RNF128: variants seen among roughly 807,000 people sequenced by gnomAD.
RNF128 encodes E3 ubiquitin-protein ligase RNF128.
RNF128 carries 13 observed loss-of-function variants against 26.2 expected under a neutral mutation model. The ratio of observed to expected loss-of-function variants is 0.50; its 90% CI spans 0.32 to 0.79. The LOEUF (loss-of-function observed/expected upper bound fraction) is 0.79. Among genes scored for constraint, RNF128 ranks in the 30% least tolerant of loss-of-function variants. The pLI is 0.03. For missense variants in RNF128, 315 were observed against 349.7 expected (o/e 0.90, Z 0.79); for synonymous variants, 149 against 142.5 (o/e 1.05, Z -0.32).
At chrX:106,719,228 ATT>A (rs11328315) in intron 1 of RNF128, among the ~76,000 whole-genome samples, 26,089 of 100,470 alleles carry the variant, frequency 0.26, 2,488 homozygotes, top group Middle Eastern at 0.35. Flanking sequence ...GCCCATGGGC[ATT>A]TTTTTTTTTT....
At chrX:106,777,199 T>A (rs1454751406) in intron 2 of RNF128, among the ~76,000 whole-genome samples, 1 of 111,617 alleles carries the variant, frequency 9.0e-6, no homozygotes, top group Non-Finnish European at 1.9e-5. Context: ...AACTAAAAAC[T>A]CCTCACAGTG....
chrX:106,793,813 T>C (rs1029387546), intron 6 of RNF128, among the ~76,000 whole-genome samples: 2 of 111,393 alleles, frequency 1.8e-5, no homozygotes, highest in African/African-American at 6.5e-5. Context: ...AGTGCCCCCA[T>C]ATCATACCAG....
chrX:106,790,429 T>C, intron 5 of RNF128, 147 bp downstream of exon 5: 1 of 347,308 alleles, frequency 2.9e-6, no homozygotes, highest in Non-Finnish European at 5.2e-6. Context: ...ATATAGACAA[T>C]GAGGTGCCAT....
chrX:106,770,969 C>T (rs1350675523), intron 1 of RNF128, among the ~76,000 whole-genome samples: 2 of 112,364 alleles, frequency 1.8e-5, no homozygotes, highest in African/African-American at 6.5e-5. Context: ...AGTTTTCCTT[C>T]TAACAGTCAG....
intron 1 of RNF128, among the ~76,000 whole-genome samples, chrX:106,703,161 A>C (rs1316842677): frequency 2.7e-5 from 3 of 112,074 alleles, no homozygotes; most frequent in Non-Finnish European, 3.8e-5. Context: ...AAGAGAAATG[A>C]AAATTTCCTT....
Position 106,727,206 on chromosome X carries a change from C to G in RNF128, c.293C>G (p.Pro98Arg). 1 of 1,211,746 alleles carries G rather than the reference C, an allele frequency of 8.3e-7. No individual in the cohort carries two copies. Among genetic ancestry groups the G allele is most frequent in the South Asian group, 1.8e-5 (1 of 56,951 alleles). Reference sequence around the variant, plus strand: ...CCCGGGGCGCTTAACGCCTGTAACCCGCACACGAATTTCACGGTGCCCACG... The same window carrying G: ...CCCGGGGCGCTTAACGCCTGTAACCGGCACACGAATTTCACGGTGCCCACG... ...DGPGALNACN[P>R]HTNFTVPTVW... The change falls in exon 1 of 7, where the codon CCG (proline) becomes CGG (arginine). Residue 98 changes from proline to arginine, a missense_variant. Coordinates refer to ENST00000255499, the MANE Select transcript of RNF128 (RefSeq NM_194463.2).
chrX:106,743,043 C>T (rs1037908660), intron 1 of RNF128, among the ~76,000 whole-genome samples: 1 of 110,956 alleles, frequency 9.0e-6, no homozygotes, highest in Admixed American at 9.7e-5. Flanking sequence ...AGGAAAAGCA[C>T]TTGTATGACT....
rs575572559 is a variant in RNF128, at chrX:106,761,351, A to G, written c.485-11562A>G. Among the ~76,000 whole-genome samples, 13 of 112,167 alleles carry G rather than the reference A, an allele frequency of 1.2e-4. No homozygotes were observed. In the South Asian group the frequency reaches 4.9e-3, roughly 42 times the overall value. On this transcript the variant is annotated intron_variant, in intron 1 of 6. Coordinates refer to ENST00000255499, the MANE Select transcript of RNF128 (RefSeq NM_194463.2). Reference sequence around the variant, plus strand: ...CGTGGGAATGTAAATTAGTTCAGCCATTGTGGAAAGCAGTTTGCTGATTTC... The same window carrying G: ...CGTGGGAATGTAAATTAGTTCAGCCGTTGTGGAAAGCAGTTTGCTGATTTC...
intron 1 of RNF128, among the ~76,000 whole-genome samples, chrX:106,715,319 C>T (rs372892946): frequency 4.5e-5 from 5 of 112,176 alleles, no homozygotes; most frequent in African/African-American, 1.3e-4. Flanking sequence ...AACATCTTTT[C>T]GCGTGCTTAT....
rs55870405 is a variant in RNF128, at chrX:106,704,433, G to GAAA, written c.406+10044_406+10046dup. On this transcript the variant is annotated intron_variant, in intron 1 of 6. Transcript: ENST00000324342. ...GGCGACAGAGCGAGACTCTGTCTCA[G>GAAA]AAAAAAAAAAAAAAAAAAAAAGAGC... is the stretch of plus-strand genomic sequence containing the variant. Among the ~76,000 whole-genome samples the GAAA allele has an allele frequency of 1.7e-3, 81 of 48,924 alleles. 3 individuals carry two copies. The highest frequency in any genetic ancestry group is 2.1e-3 in the Non-Finnish European group (59 of 28,327). The allele number at this position is 48,924 out of a possible 115,157, so 42.5% of individuals were successfully genotyped here.
intron 1 of RNF128, among the ~76,000 whole-genome samples, chrX:106,702,609 TCATATAAACAAA>T (rs1197160436): frequency 8.9e-6 from 1 of 112,012 alleles, no homozygotes; most frequent in East Asian, 2.8e-4. Context: ...AGCAAGGACA[TCATATAAACAAA>T]TTATATCTGT....
At chrX:106,704,652 A>T (rs1929018513) in intron 1 of RNF128, among the ~76,000 whole-genome samples, 1 of 111,203 alleles carries the variant, frequency 9.0e-6, no homozygotes, top group African/African-American at 3.3e-5. Context: ...AAAGTATACA[A>T]GTTAAACATC....
chrX:106,791,778 T>C (rs1338993470), intron 6 of RNF128, among the ~76,000 whole-genome samples: 1 of 111,459 alleles, frequency 9.0e-6, no homozygotes, highest in Non-Finnish European at 1.9e-5. Context: ...TCAAAATTCA[T>C]GTGAATTTGT....
At chrX:106,752,772 A>T (rs1401203690) in intron 1 of RNF128, among the ~76,000 whole-genome samples, 1 of 112,037 alleles carries the variant, frequency 8.9e-6, no homozygotes, top group African/African-American at 3.2e-5. Flanking sequence ...GACAGAATTC[A>T]AAATAGCTGT....
At chrX:106,787,318 A>T (rs1450755261) in intron 3 of RNF128, among the ~76,000 whole-genome samples, 1 of 111,650 alleles carries the variant, frequency 9.0e-6, no homozygotes, top group Admixed American at 9.6e-5. Context: ...TCTCAAATGC[A>T]TTATACTAAG....
At chrX:106,789,481 C>CATTATACACTATATAATATAGTGTATAT (rs1930775978) in intron 4 of RNF128, among the ~76,000 whole-genome samples, 1 of 99,384 alleles carries the variant, frequency 1.0e-5, no homozygotes, top group Admixed American at 1.2e-4. Context: ...ATATTATATA[C>CATTATACACTATATAATATAGTGTATAT]ATTATACACT....
chrX:106,718,578 G>T (rs749390711), intron 1 of RNF128, among the ~76,000 whole-genome samples: 1 of 109,690 alleles, frequency 9.1e-6, no homozygotes, highest in East Asian at 2.9e-4. Flanking sequence ...TGATTTTATA[G>T]ATGCCAGGGT....
chrX:106,775,680 A>G lies in RNF128; in HGVS notation c.732+2520A>G, dbSNP rs1436212870. ...TGCTAGAATGTCATTTATATATTTA[A>G]TTTTCATGACAGTATTAATTTTTAA... On this transcript the variant is annotated intron_variant, in intron 2 of 6. Coordinates refer to ENST00000255499, the MANE Select transcript of RNF128 (RefSeq NM_194463.2). Among the ~76,000 whole-genome samples, 6 of 111,796 alleles carry G rather than the reference A, an allele frequency of 5.4e-5. No individual in the cohort carries two copies. In the Admixed American group the frequency reaches 5.7e-4, roughly 11 times the overall value.
At chrX:106,753,009 C>A (rs1056247431) in intron 1 of RNF128, among the ~76,000 whole-genome samples, 1 of 111,349 alleles carries the variant, frequency 9.0e-6, no homozygotes, top group Non-Finnish European at 1.9e-5. Context: ...TGAAAATACA[C>A]AGTCAGAGGA....
Sources: allele counts gnomAD v4.1 joint callset (sites outside exome capture counted in the v4.1 genomes callset), GRCh38; gene constraint gnomAD v4.1.1; transcripts MANE v1.5; gene names NCBI Gene and HGNC (gene_info 2026-07-23, HGNC 2026-07-21).